SLC2A9: variants seen among roughly 807,000 people sequenced by gnomAD.
The protein encoded by SLC2A9 is solute carrier family 2, facilitated glucose transporter member 9.
In SLC2A9, 39 loss-of-function variants were observed where a neutral mutation model predicts 50.6. The ratio of observed to expected loss-of-function variants is 0.77; its 90% CI spans 0.60 to 1.01. The LOEUF (loss-of-function observed/expected upper bound fraction) is 1.01. Among genes scored for constraint, SLC2A9 ranks in the 50% least tolerant of loss-of-function variants. The pLI is 0.00. For synonymous variants in SLC2A9, 324 were observed against 276.9 expected (o/e 1.17, Z -1.69); for missense variants, 686 against 677.6 (o/e 1.01, Z -0.14).
At chr4:10,030,998 A>G (rs1378733207) in intron 1 of SLC2A9, among the ~76,000 whole-genome samples, 2 of 152,324 alleles carry the variant, frequency 1.3e-5, no homozygotes, top group African/African-American at 2.4e-5. Context: ...TCTGCTTTCT[A>G]TCATGTCAGG....
intron 5 of SLC2A9, among the ~76,000 whole-genome samples, chr4:9,955,285 G>A (rs1335821599): frequency 2.2e-5 from 1 of 45,632 alleles, no homozygotes; most frequent in African/African-American, 2.0e-4. Flanking sequence ...GAGGTCAGGA[G>A]ATCGAGACCA....
intron 5 of SLC2A9, among the ~76,000 whole-genome samples, chr4:9,965,564 A>G (rs1752927892): frequency 6.6e-6 from 1 of 152,234 alleles, no homozygotes; most frequent in South Asian, 2.1e-4. Flanking sequence ...ATGTTCCCCA[A>G]AGAAGAAACT....
chr4:9,971,024 C>A (rs1410335239), intron 5 of SLC2A9, among the ~76,000 whole-genome samples: 1 of 152,152 alleles, frequency 6.6e-6, no homozygotes, highest in Non-Finnish European at 1.5e-5. Flanking sequence ...AATCACGACC[C>A]TTTCATGTAA....
At chr4:9,813,903 C>T (rs1278217231) in intron 3 of SLC2A9, among the ~76,000 whole-genome samples, 1 of 151,962 alleles carries the variant, frequency 6.6e-6, no homozygotes, top group Non-Finnish European at 1.5e-5. Context: ...CAAGACCAGC[C>T]TGGCCAACAA....
chr4:9,982,895 G>A (rs560322466), intron 4 of SLC2A9, among the ~76,000 whole-genome samples: 28 of 152,356 alleles, frequency 1.8e-4, no homozygotes, highest in African/African-American at 6.5e-4. Context: ...TTGAGATCGA[G>A]TTTTGCTAAC....
At chr4:9,781,790 C>G in intron 3 of SLC2A9, 1 of 423,832 alleles carries the variant, frequency 2.4e-6, no homozygotes. Flanking sequence ...CCAGCCGCTT[C>G]CTGTCCCCAT....
intron 10 of SLC2A9, among the ~76,000 whole-genome samples, chr4:9,885,545 C>T (rs978364078): frequency 2.6e-5 from 4 of 152,212 alleles, no homozygotes; most frequent in African/African-American, 9.6e-5. Context: ...GGCAGGCTCC[C>T]GTGTTACGCT....
downstream of SLC2A9, among the ~76,000 whole-genome samples, chr4:9,777,287 G>A (rs6835741): frequency 0.54 from 80,780 of 149,620 alleles, 22,917 homozygotes; most frequent in Non-Finnish European, 0.64. Context: ...CCTTGCCCCC[G>A]TCTCTGTTTC....
chr4:10,021,423 T>A lies in SLC2A9; in HGVS notation c.7A>T (p.Arg3Trp). The A allele has an allele frequency of 6.2e-7, 1 of 1,614,208 alleles. No individual in the cohort carries two copies. The highest frequency in any genetic ancestry group is 8.5e-7 in the Non-Finnish European group (1 of 1,180,014). The change falls in exon 1 of 12, where the codon AGG (arginine) becomes TGG (tryptophan). Residue 3 changes from arginine (R) to tryptophan (W), a missense_variant. Coordinates refer to ENST00000264784, the MANE Select transcript of SLC2A9 (RefSeq NM_020041.3). MARKQNRNSKELG... is the reference protein window; with the variant it reads MAWKQNRNSKELG... ...TCCTTGGAATTCCTATTTTGTTTCC[T>A]TGCCATGGGTCTCAGTGACCCAGCT...
chr4:9,789,973 G>A (rs971264753), intron 3 of SLC2A9, among the ~76,000 whole-genome samples: 1 of 152,216 alleles, frequency 6.6e-6, no homozygotes, highest in Non-Finnish European at 1.5e-5. Context: ...ATTGGGTGAG[G>A]TGCTTTGTAT....
At chr4:9,937,349 G>A (rs1233344273) in intron 6 of SLC2A9, among the ~76,000 whole-genome samples, 2 of 152,088 alleles carry the variant, frequency 1.3e-5, no homozygotes, top group Admixed American at 6.5e-5. Context: ...TATCTCTGTG[G>A]GCCTCTGTTT....
chr4:9,935,958 C>A (rs1746995241), intron 6 of SLC2A9, among the ~76,000 whole-genome samples: 1 of 152,142 alleles, frequency 6.6e-6, no homozygotes, highest in Non-Finnish European at 1.5e-5. Context: ...TCTGAACACA[C>A]CAGGCACATC....
intron 6 of SLC2A9, among the ~76,000 whole-genome samples, chr4:9,938,550 C>A (rs936213535): frequency 6.6e-6 from 1 of 152,094 alleles, no homozygotes; most frequent in South Asian, 2.1e-4. Context: ...GGATTACAGG[C>A]GTGAGCCACT....
At chr4:9,820,442 T>G (rs1471036614) in intron 3 of SLC2A9, among the ~76,000 whole-genome samples, 1 of 152,242 alleles carries the variant, frequency 6.6e-6, no homozygotes, top group Admixed American at 6.5e-5. Flanking sequence ...GCCATTCGTA[T>G]ACATTTTAGA....
chr4:9,788,632 A>T (rs1218630406), intron 3 of SLC2A9, among the ~76,000 whole-genome samples: 1 of 152,152 alleles, frequency 6.6e-6, no homozygotes, highest in Non-Finnish European at 1.5e-5. Context: ...TCTAGGGGCA[A>T]CACTCAGAAC....
intron 5 of SLC2A9, among the ~76,000 whole-genome samples, chr4:9,950,879 C>T (rs1400707036): frequency 4.7e-5 from 1 of 21,318 alleles, no homozygotes; most frequent in Non-Finnish European, 6.5e-5. Flanking sequence ...GGCGACAGAG[C>T]GAGACTCCGT....
chr4:10,003,795 T>C (rs542605522), intron 2 of SLC2A9, among the ~76,000 whole-genome samples: 2 of 152,198 alleles, frequency 1.3e-5, no homozygotes, highest in Non-Finnish European at 2.9e-5. Context: ...TCGTTTTGAG[T>C]TTCTGCTGTG....
chr4:9,814,099 C>A (rs1723238647), intron 3 of SLC2A9, among the ~76,000 whole-genome samples: 1 of 152,142 alleles, frequency 6.6e-6, no homozygotes, highest in Non-Finnish European at 1.5e-5. Flanking sequence ...AAGATTGTGC[C>A]ACTGCACTGC....
intron 10 of SLC2A9, among the ~76,000 whole-genome samples, chr4:9,883,335 G>T (rs928940295): frequency 6.6e-6 from 1 of 152,220 alleles, no homozygotes; most frequent in Non-Finnish European, 1.5e-5. Context: ...GTGTGTAGAG[G>T]TGAATTTCTT....
Sources: allele counts gnomAD v4.1 joint callset (sites outside exome capture counted in the v4.1 genomes callset), GRCh38; gene constraint gnomAD v4.1.1; transcripts MANE v1.5; gene names NCBI Gene and HGNC (gene_info 2026-07-23, HGNC 2026-07-21).